MTA3: variants seen among roughly 807,000 people sequenced by gnomAD.
MTA3 encodes the protein metastasis-associated protein MTA3.
A neutral mutation model predicts 83.5 loss-of-function variants in MTA3; 34 were observed. That is an observed-to-expected ratio of 0.41 (90% CI 0.31 to 0.54). The LOEUF (loss-of-function observed/expected upper bound fraction) is 0.54. MTA3 is among the 20% of genes least tolerant of loss of function. The pLI is 0.33. For missense variants in MTA3, 761 were observed against 726.4 expected (o/e 1.05, Z -0.55); for synonymous variants, 303 against 252.7 (o/e 1.20, Z -1.89).
chr2:42,669,013 CT>C (rs1473226409), intron 8 of MTA3, among the ~76,000 whole-genome samples: 1 of 150,996 alleles, frequency 6.6e-6, no homozygotes. Context: ...GTTTGTGAGT[CT>C]TGTTTCATTT....
At chr2:42,694,577 G>C (rs893432230) in intron 9 of MTA3, among the ~76,000 whole-genome samples, 4 of 152,082 alleles carry the variant, frequency 2.6e-5, no homozygotes, top group African/African-American at 7.2e-5. Context: ...CCTGGTCACT[G>C]TGATGTTCTT....
At chr2:42,729,892 C>T (rs373519917) in intron 16 of MTA3, among the ~76,000 whole-genome samples, 1 of 152,272 alleles carries the variant, frequency 6.6e-6, no homozygotes, top group African/African-American at 2.4e-5. Flanking sequence ...TTAGTATGGA[C>T]ATTTTAACAG....
At chr2:42,712,807 C>G (rs1018733695) in intron 14 of MTA3, 1 of 151,688 alleles carries the variant, frequency 6.6e-6, no homozygotes, top group African/African-American at 2.4e-5. Flanking sequence ...TGGCCCTGAG[C>G]AAGGATGACA....
chr2:42,674,343 T>G (rs1691130739), intron 8 of MTA3, among the ~76,000 whole-genome samples: 1 of 152,238 alleles, frequency 6.6e-6, no homozygotes, highest in South Asian at 2.1e-4. Flanking sequence ...AGAATTCCAT[T>G]GCCAAGATTT....
intron 12 of MTA3, 55 bp from the exon 13 acceptor site, chr2:42,707,848 G>T (rs939520327): frequency 1.4e-6 from 2 of 1,421,498 alleles, no homozygotes; most frequent in African/African-American, 2.9e-5. Context: ...ATTTTGTGTT[G>T]ATGTTACAAA....
intron 12 of MTA3, among the ~76,000 whole-genome samples, chr2:42,704,608 A>G (rs1023675259): frequency 1.2e-4 from 18 of 152,196 alleles, no homozygotes; most frequent in African/African-American, 4.3e-4. Context: ...TTAGAGTCAT[A>G]TTAGCTTTGC....
chr2:42,649,098 T>C (rs959720505), intron 6 of MTA3, among the ~76,000 whole-genome samples: 6 of 152,066 alleles, frequency 3.9e-5, no homozygotes, highest in Non-Finnish European at 8.8e-5. Flanking sequence ...TACCACTCAT[T>C]TAATAGCTGT....
intron 2 of MTA3, among the ~76,000 whole-genome samples, chr2:42,554,059 C>T (rs1677262838): frequency 6.6e-6 from 1 of 152,062 alleles, no homozygotes; most frequent in East Asian, 1.9e-4. Context: ...CATGGAGAAA[C>T]TCCGTCTCTA....
At chr2:42,729,086 G>GTT (rs1216600680) in intron 16 of MTA3, among the ~76,000 whole-genome samples, 3,127 of 59,868 alleles carry the variant, frequency 0.052, 961 homozygotes, top group Non-Finnish European at 0.072. Context: ...CACAGTTTGA[G>GTT]TTTTTTTTTT....
At chr2:42,704,439 C>G in intron 12 of MTA3, 121 bp downstream of exon 12, 1 of 1,170,314 alleles carries the variant, frequency 8.5e-7, no homozygotes, top group Non-Finnish European at 1.2e-6. Context: ...CATGTCTCCT[C>G]TAAATGAGTA....
chr2:42,648,050 A>C (rs1688380166), intron 6 of MTA3, among the ~76,000 whole-genome samples: 1 of 152,322 alleles, frequency 6.6e-6, no homozygotes, highest in South Asian at 2.1e-4. Context: ...CGTGTTGGCC[A>C]GGCTGGTCTT....
chr2:42,515,940 A>G (rs1166370973), intron 2 of MTA3, among the ~76,000 whole-genome samples: 1 of 149,538 alleles, frequency 6.7e-6, no homozygotes, highest in East Asian at 2.0e-4. Context: ...TCCCGGGTTC[A>G]CGCCATTCTC....
chr2:42,515,852 T>TTG (rs1470772476), intron 2 of MTA3, among the ~76,000 whole-genome samples: 2 of 150,832 alleles, frequency 1.3e-5, no homozygotes, highest in Non-Finnish European at 3.0e-5. Flanking sequence ...TTTTTTTTTT[T>TTG]TTTGAGACAA....
chr2:42,513,246 C>G (rs1208375092), intron 2 of MTA3, among the ~76,000 whole-genome samples: 1 of 152,138 alleles, frequency 6.6e-6, no homozygotes. Context: ...TTCTGCAAAA[C>G]CTATTGTGGT....
At chr2:42,704,120 A>T in intron 11 of MTA3, 74 bp from the exon 12 acceptor site, 1 of 1,460,184 alleles carries the variant, frequency 6.8e-7, no homozygotes, top group Non-Finnish European at 9.3e-7. Flanking sequence ...AGTGACGGTA[A>T]ATCAGTAATG....
At chr2:42,720,476 C>T (rs577844575) in intron 15 of MTA3, among the ~76,000 whole-genome samples, 14 of 152,116 alleles carry the variant, frequency 9.2e-5, no homozygotes, top group African/African-American at 1.4e-4. Flanking sequence ...CCACTGCGTC[C>T]GGCCATTTCT....
intron 2 of MTA3, among the ~76,000 whole-genome samples, chr2:42,557,842 GTC>G (rs958896371): frequency 3.0e-4 from 46 of 152,122 alleles, no homozygotes; most frequent in Non-Finnish European, 4.4e-4. Flanking sequence ...GCAAATTCTA[GTC>G]TCTATTCCTC....
At chr2:42,749,059 A>G (rs756509611) in intron 16 of MTA3, among the ~76,000 whole-genome samples, 11 of 152,214 alleles carry the variant, frequency 7.2e-5, no homozygotes, top group Non-Finnish European at 1.2e-4. Context: ...CGGCTCCTTG[A>G]GCCTTCTAGC....
chr2:42,500,972 G>A (rs1297688859), intron 2 of MTA3, among the ~76,000 whole-genome samples: 4 of 151,990 alleles, frequency 2.6e-5, no homozygotes, highest in South Asian at 2.1e-4. Flanking sequence ...CACTACGCCC[G>A]GCTAATTTTC....
Sources: gnomAD v4.1 joint callset for allele counts (sites outside exome capture counted in the v4.1 genomes callset) on GRCh38, gnomAD v4.1.1 for gene constraint, MANE v1.5 for transcripts, NCBI Gene and HGNC (gene_info 2026-07-23, HGNC 2026-07-21) for gene names.